Variants in ARL14EPL observed in about 807,000 individuals in gnomAD.
ARL14EPL encodes the protein ARL14 effector protein-like.
In ARL14EPL, 17 loss-of-function variants were observed where a neutral mutation model predicts 15.9. The observed-to-expected ratio is 1.07, with a 90% CI of 0.73 to 1.60. The LOEUF is 1.60. Among genes scored for constraint, ARL14EPL ranks in the 40% most tolerant of loss-of-function variants. The probability of loss-of-function intolerance (pLI) is 0.00; values close to 1 mark genes in which losing one functional copy is unlikely to be tolerated. For missense variants in ARL14EPL, 214 were observed against 185.9 expected (o/e 1.15, Z -0.88); for synonymous variants, 78 against 63.8 (o/e 1.22, Z -1.06).
At chr5:116,056,171 G>T (rs1397686250) in intron 3 of ARL14EPL, among the ~76,000 whole-genome samples, 1 of 151,918 alleles carries the variant, frequency 6.6e-6, no homozygotes, top group Non-Finnish European at 1.5e-5. Flanking sequence ...GCAGTAATGG[G>T]ATGGCTGGGT....
intron 1 of ARL14EPL, among the ~76,000 whole-genome samples, chr5:116,043,477 A>G (rs1422649783): frequency 6.6e-6 from 1 of 152,146 alleles, no homozygotes; most frequent in Non-Finnish European, 1.5e-5. Flanking sequence ...TGCAAATTTA[A>G]TGAGGTATTA....
At chr5:116,046,534 C>T (rs1580413713) in intron 1 of ARL14EPL, among the ~76,000 whole-genome samples, 1 of 152,162 alleles carries the variant, frequency 6.6e-6, no homozygotes, top group East Asian at 1.9e-4. Context: ...GCCATTCCCT[C>T]AAGGGATGTG....
chr5:116,041,160 T>C (rs909182100), intron 1 of ARL14EPL, among the ~76,000 whole-genome samples: 2 of 152,072 alleles, frequency 1.3e-5, no homozygotes, highest in Non-Finnish European at 2.9e-5. Flanking sequence ...ACTTTTGTTA[T>C]AATTCATGAG....
intron 3 of ARL14EPL, among the ~76,000 whole-genome samples, chr5:116,054,433 A>G (rs967888946): frequency 1.3e-5 from 2 of 152,238 alleles, no homozygotes; most frequent in South Asian, 2.1e-4. Flanking sequence ...ACAAAAATGT[A>G]TCATTAGAAG....
intron 3 of ARL14EPL, among the ~76,000 whole-genome samples, chr5:116,057,244 C>G (rs111825069): frequency 6.6e-6 from 1 of 151,998 alleles, no homozygotes; most frequent in African/African-American, 2.4e-5. Flanking sequence ...GGTACAGTTC[C>G]TTTTTGAGGG....
intron 2 of ARL14EPL, among the ~76,000 whole-genome samples, chr5:116,052,445 A>T (rs1749409175): frequency 6.6e-6 from 1 of 152,204 alleles, no homozygotes; most frequent in South Asian, 2.1e-4. Context: ...TTATCACACC[A>T]TACTATTGTT....
At chr5:116,050,300 A>G (rs1749345114) in intron 1 of ARL14EPL, among the ~76,000 whole-genome samples, 1 of 152,196 alleles carries the variant, frequency 6.6e-6, no homozygotes, top group Admixed American at 6.5e-5. Flanking sequence ...CTTTCTGTCC[A>G]TGTGTAGCCA....
At chr5:116,036,244 T>G (rs1324111865) in intron 1 of ARL14EPL, among the ~76,000 whole-genome samples, 1 of 152,200 alleles carries the variant, frequency 6.6e-6, no homozygotes, top group East Asian at 1.9e-4. Context: ...CTTTGGGTTT[T>G]CCTTTTATTT....
chr5:116,058,025 A>G (rs1749560660), intron 3 of ARL14EPL, among the ~76,000 whole-genome samples: 1 of 152,222 alleles, frequency 6.6e-6, no homozygotes, highest in Non-Finnish European at 1.5e-5. Context: ...GCCATGTTGT[A>G]GAGGCTGACA....
At chr5:116,039,802 C>CA (rs1285801902) in intron 1 of ARL14EPL, among the ~76,000 whole-genome samples, 1 of 152,042 alleles carries the variant, frequency 6.6e-6, no homozygotes. Flanking sequence ...CTGCAGACAT[C>CA]AATGATAACA....
intron 3 of ARL14EPL, among the ~76,000 whole-genome samples, chr5:116,055,535 G>A (rs56232916): frequency 0.069 from 10,426 of 152,034 alleles, 1,206 homozygotes; most frequent in African/African-American, 0.24. Context: ...CTCATGATCA[G>A]ACTAACAAAG....
intron 1 of ARL14EPL, among the ~76,000 whole-genome samples, chr5:116,045,537 T>C (rs909068769): frequency 6.6e-6 from 1 of 152,178 alleles, no homozygotes; most frequent in African/African-American, 2.4e-5. Context: ...GAGGCCCTTT[T>C]AGATGCTGAT....
intron 1 of ARL14EPL, among the ~76,000 whole-genome samples, chr5:116,046,933 C>T (rs942187840): frequency 1.9e-4 from 29 of 152,080 alleles, no homozygotes; most frequent in African/African-American, 6.8e-4. Flanking sequence ...AATTGCTGGT[C>T]TTGTAAGAGG....
rs531624727 is a variant in ARL14EPL at position 116,058,870 on chromosome 5, C to T, written c.382C>T (p.Arg128Ter). The T allele has an allele frequency of 8.5e-6, 13 of 1,536,072 alleles. No homozygotes were observed. The highest frequency in any genetic ancestry group is 3.9e-5 in the Admixed American group (2 of 50,998). The change falls in exon 4 of 4, where the codon CGA becomes TGA. Residue 128 changes from arginine (R) to a stop codon, truncating the protein, a stop_gained. Transcript: ENST00000686077. LOFTEE classifies it high-confidence loss of function. ...NKCGPECRCN[R>*]RWVYDAIVTE... ...GTGTGGGCCCGAGTGCCGCTGCAAC[C>T]GACGGTGGGTTTACGATGCCATCGT...
chr5:116,033,016 C>T (rs1357300895), intron 1 of ARL14EPL, among the ~76,000 whole-genome samples: 1 of 152,134 alleles, frequency 6.6e-6, no homozygotes, highest in Non-Finnish European at 1.5e-5. Flanking sequence ...CTGGGCTGGT[C>T]TTGAGCTCCT....
intron 1 of ARL14EPL, 66 bp from the exon 2 acceptor site, chr5:116,051,391 C>G (rs1202285818): frequency 1.2e-5 from 12 of 963,668 alleles, no homozygotes; most frequent in Non-Finnish European, 1.9e-5. Context: ...AGAAAAGAAT[C>G]ACCAGATATA....
At chr5:116,044,476 TAC>T (rs1491142195) in intron 1 of ARL14EPL, among the ~76,000 whole-genome samples, 1,716 of 144,194 alleles carry the variant, frequency 0.012, 25 homozygotes, top group African/African-American at 0.038. Flanking sequence ...TATATATATA[TAC>T]GTGCGTGTGT....
intron 1 of ARL14EPL, among the ~76,000 whole-genome samples, chr5:116,042,616 T>C (rs1039694569): frequency 2.6e-5 from 4 of 152,194 alleles, no homozygotes; most frequent in Non-Finnish European, 4.4e-5. Flanking sequence ...AGCCTTTCAA[T>C]TGGAGGATTG....
At chr5:116,053,523 G>A (rs986496881) in intron 2 of ARL14EPL, among the ~76,000 whole-genome samples, 3 of 152,148 alleles carry the variant, frequency 2.0e-5, no homozygotes, top group Non-Finnish European at 2.9e-5. Context: ...CCCGCGTGGA[G>A]GCCAGTCCCG....
Sources: allele counts gnomAD v4.1 joint callset (sites outside exome capture counted in the v4.1 genomes callset), GRCh38; gene constraint gnomAD v4.1.1; transcripts MANE v1.5; gene names NCBI Gene and HGNC (gene_info 2026-07-23, HGNC 2026-07-21).